CSMD1: variants seen among roughly 807,000 people sequenced by gnomAD.
CSMD1 encodes the protein CUB and Sushi multiple domains 1.
CSMD1 carries 213 observed loss-of-function variants against 417.5 expected under a neutral mutation model. The ratio of observed to expected loss-of-function variants is 0.51; its 90% CI spans 0.46 to 0.57. The LOEUF is 0.57. Among genes scored for constraint, CSMD1 ranks in the 20% least tolerant of loss-of-function variants. The pLI is 0.00. For missense variants in CSMD1, 6,923 were observed against 4,529.7 expected, an observed-to-expected ratio of 1.53 and a Z score of -15.17; for synonymous variants, 2,862 against 1,736.8, an observed-to-expected ratio of 1.65 and a Z score of -16.11.
At chr8:4,256,930 T>G (rs1045591905) in intron 3 of CSMD1, among the ~76,000 whole-genome samples, 1 of 152,152 alleles carries the variant, frequency 6.6e-6, no homozygotes, top group East Asian at 1.9e-4. Flanking sequence ...TTCCTTCCGC[T>G]TTCCCTCCGT....
intron 36 of CSMD1, among the ~76,000 whole-genome samples, chr8:3,182,016 A>G (rs1821363720): frequency 6.6e-6 from 1 of 152,206 alleles, no homozygotes; most frequent in African/African-American, 2.4e-5. Context: ...TAGTAAAAAC[A>G]TTCTCTAAAT....
At chr8:4,953,924 T>G (rs945351172) in intron 1 of CSMD1, among the ~76,000 whole-genome samples, 5 of 152,168 alleles carry the variant, frequency 3.3e-5, no homozygotes, top group Admixed American at 6.6e-5. Flanking sequence ...GGTTTTGATG[T>G]TTAAAAAGCT....
intron 6 of CSMD1, among the ~76,000 whole-genome samples, chr8:3,753,033 G>A (rs958652984): frequency 6.6e-6 from 1 of 152,288 alleles, no homozygotes; most frequent in South Asian, 2.1e-4. Context: ...ACTGCAAACT[G>A]TCTCCGTGAC....
chr8:4,184,435 A>T (rs1313668819), intron 3 of CSMD1, among the ~76,000 whole-genome samples: 1 of 152,192 alleles, frequency 6.6e-6, no homozygotes, highest in Non-Finnish European at 1.5e-5. Context: ...GGCACTATTC[A>T]CAATATCAAA....
intron 5 of CSMD1, among the ~76,000 whole-genome samples, chr8:3,897,182 G>A (rs962686282): frequency 2.0e-5 from 3 of 152,176 alleles, no homozygotes; most frequent in Admixed American, 6.5e-5. Context: ...AGGGTTAGTA[G>A]CACAATGGTG....
At chr8:4,643,920 T>A (rs796364861) in intron 1 of CSMD1, among the ~76,000 whole-genome samples, 21 of 152,300 alleles carry the variant, frequency 1.4e-4, no homozygotes, top group African/African-American at 4.8e-4. Context: ...GCCTGATGAT[T>A]CTCAGATCAC....
chr8:4,218,932 T>G (rs1204293214), intron 3 of CSMD1, among the ~76,000 whole-genome samples: 1 of 152,182 alleles, frequency 6.6e-6, no homozygotes, highest in African/African-American at 2.4e-5. Flanking sequence ...CTTGGGGTCA[T>G]TCTCTGAGCA....
intron 50 of CSMD1, among the ~76,000 whole-genome samples, chr8:3,043,145 A>G (rs897391471): frequency 6.6e-6 from 1 of 151,684 alleles, no homozygotes; most frequent in African/African-American, 2.4e-5. Context: ...ATATAGTGAT[A>G]TACATATAGC....
At chr8:3,004,316 T>C (rs944352961) in intron 52 of CSMD1, among the ~76,000 whole-genome samples, 7 of 152,200 alleles carry the variant, frequency 4.6e-5, no homozygotes, top group Admixed American at 3.9e-4. Context: ...CAGGCAATTG[T>C]GTAGCAACAA....
chr8:4,546,962 G>A (rs894077657), intron 2 of CSMD1, among the ~76,000 whole-genome samples: 7 of 151,978 alleles, frequency 4.6e-5, no homozygotes, highest in Admixed American at 3.3e-4. Flanking sequence ...CCTCATTCAC[G>A]TACATGAAGT....
intron 5 of CSMD1, among the ~76,000 whole-genome samples, chr8:3,986,877 C>T (rs1472360868): frequency 6.6e-6 from 1 of 152,066 alleles, no homozygotes; most frequent in Non-Finnish European, 1.5e-5. Flanking sequence ...GCTTCAGCCT[C>T]CCAAGTAGCT....
chr8:3,993,880 A>C (rs1032859185), intron 5 of CSMD1, among the ~76,000 whole-genome samples: 1 of 152,214 alleles, frequency 6.6e-6, no homozygotes, highest in Admixed American at 6.5e-5. Context: ...TGGGATCGAC[A>C]AAAGATAGGC....
At chr8:3,506,201 G>T (rs574927570) in intron 10 of CSMD1, among the ~76,000 whole-genome samples, 4 of 152,228 alleles carry the variant, frequency 2.6e-5, no homozygotes, top group African/African-American at 9.6e-5. Context: ...GCCCCAGGAC[G>T]AGCTGTCAGG....
Position 4,337,376 on chromosome 8 carries a change from C to A in CSMD1, c.415+82577G>T, listed in dbSNP as rs145822810. On this transcript the variant is annotated intron_variant, in intron 3 of 69. Transcript: ENST00000635120. Reference sequence around the variant, plus strand: ...CAAACTTCCACCTAAGTCATTTCTGCCCTTCTTCAGTAAACAGGTATTTTG... The same window carrying A: ...CAAACTTCCACCTAAGTCATTTCTGACCTTCTTCAGTAAACAGGTATTTTG... Among the ~76,000 whole-genome samples the A allele has an allele frequency of 5.9e-4, 90 of 152,186 alleles. No homozygotes were observed. The East Asian group carries it at 0.013, about 22-fold the overall frequency.
At chr8:4,032,882 G>A (rs769742035) in intron 3 of CSMD1, among the ~76,000 whole-genome samples, 10 of 152,086 alleles carry the variant, frequency 6.6e-5, no homozygotes, top group African/African-American at 1.7e-4. Flanking sequence ...AGGTCAGGCC[G>A]TGGTGGGATG....
intron 25 of CSMD1, among the ~76,000 whole-genome samples, chr8:3,285,741 T>C (rs554279946): frequency 3.3e-4 from 50 of 151,968 alleles, no homozygotes; most frequent in African/African-American, 1.2e-3. Context: ...ATGCAACAAT[T>C]TTTTGCCTCC....
At chr8:4,802,621 C>A (rs1183114966) in intron 1 of CSMD1, among the ~76,000 whole-genome samples, 2 of 152,046 alleles carry the variant, frequency 1.3e-5, no homozygotes, top group Non-Finnish European at 2.9e-5. Context: ...CTCTAGGTAT[C>A]CTGTCTGTTT....
chr8:4,415,514 T>C (rs1449679834), intron 3 of CSMD1, among the ~76,000 whole-genome samples: 1 of 152,200 alleles, frequency 6.6e-6, no homozygotes, highest in Non-Finnish European at 1.5e-5. Context: ...GCTCTTTCCC[T>C]TGCTCTTCCG....
intron 3 of CSMD1, among the ~76,000 whole-genome samples, chr8:4,254,150 C>T (rs961075599): frequency 6.6e-6 from 1 of 152,002 alleles, no homozygotes; most frequent in African/African-American, 2.4e-5. Context: ...ATCTCCTGAC[C>T]TGGTGATCCA....
Sources: allele counts gnomAD v4.1 joint callset (sites outside exome capture counted in the v4.1 genomes callset), GRCh38; gene constraint gnomAD v4.1.1; transcripts MANE v1.5; gene names NCBI Gene and HGNC (gene_info 2026-07-23, HGNC 2026-07-21).